DLGAP2: variants seen among roughly 807,000 people sequenced by gnomAD.
DLGAP2 encodes the protein DLG associated protein 2.
DLGAP2 carries 26 observed loss-of-function variants against 100.3 expected under a neutral mutation model. That is an observed-to-expected ratio of 0.26 (90% CI 0.19 to 0.36). The LOEUF is 0.36. Among genes scored for constraint, DLGAP2 ranks in the 10% least tolerant of loss-of-function variants. The pLI is 1.00. For missense variants in DLGAP2, 1,858 were observed against 1,453.2 expected, an observed-to-expected ratio of 1.28 and a Z score of -4.53; for synonymous variants, 886 against 630.1, an observed-to-expected ratio of 1.41 and a Z score of -6.08.
At chr8:1,065,149 A>T (rs887787140) in intron 2 of DLGAP2, among the ~76,000 whole-genome samples, 2 of 152,122 alleles carry the variant, frequency 1.3e-5, no homozygotes, top group African/African-American at 4.8e-5. Flanking sequence ...ATACAGAGTT[A>T]TTCACCCCTG....
rs1025754657 is a variant in DLGAP2, at chr8:1,375,125, C to T, written c.106+116242C>T. Among the ~76,000 whole-genome samples the T allele has an allele frequency of 4.2e-5, 6 of 141,920 alleles. No individual in the cohort carries two copies. The East Asian group carries it at 6.5e-4, about 15-fold the overall frequency. The allele number at this position is 141,920 out of a possible 152,430, so 93.1% of individuals were successfully genotyped here. A position where few individuals can be genotyped will look rare whatever the true frequency, so the allele number is the denominator to read the frequency against. On this transcript the variant is annotated intron_variant, in intron 3 of 14. Transcript: ENST00000637795. ...CCCCCACCTCCTACATTTGGGTTAA[C>T]GACACCTCTCCACGACCTCAGAACT...
intron 3 of DLGAP2, among the ~76,000 whole-genome samples, chr8:1,336,473 C>T (rs546023771): frequency 2.6e-5 from 4 of 152,298 alleles, no homozygotes; most frequent in East Asian, 1.9e-4. Flanking sequence ...TACAGACGTC[C>T]GTTATGAGGA....
intron 3 of DLGAP2, among the ~76,000 whole-genome samples, chr8:1,373,430 G>T (rs941888892): frequency 2.0e-5 from 3 of 152,160 alleles, no homozygotes; most frequent in Admixed American, 6.5e-5. Context: ...CGACAAGGAC[G>T]GGGGGCCGGA....
chr8:965,795 G>C lies in DLGAP2; in HGVS notation c.73+57829G>C, dbSNP rs1168319000. On this transcript the variant is annotated intron_variant, in intron 2 of 14. Transcript: ENST00000637795. ...TGCACACGGCACTGTTCACCACACA[G>C]GGCTCCTGAGTCTGACCCCTGCGCT... 8.2e-3 allele frequency among the ~76,000 whole-genome samples: 1,141 copies of C among 139,984 alleles called. 21 individuals carry two copies. Among genetic ancestry groups the C allele is most frequent in the African/African-American group, 0.03 (1,046 of 34,920 alleles). The allele number at this position is 139,984 out of a possible 152,430, so 91.8% of individuals were successfully genotyped here.
intron 2 of DLGAP2, among the ~76,000 whole-genome samples, chr8:1,173,829 C>A (rs1034212474): frequency 1.4e-4 from 22 of 152,238 alleles, no homozygotes; most frequent in Non-Finnish European, 2.6e-4. Flanking sequence ...ACCCATTGCG[C>A]TTCCTGAGTG....
rs549253084 is a variant in DLGAP2, at chr8:1,682,937, G to GT, written c.2704+4314dup. Reference sequence around the variant, plus strand: ...TGGGATTTTTGTTTTGTTTTGTCTTGTTTTTTACCTTTTTTGAGCCATCAG... The same window carrying GT: ...TGGGATTTTTGTTTTGTTTTGTCTTGTTTTTTTACCTTTTTTGAGCCATCAG... On this transcript the variant is annotated intron_variant, in intron 12 of 14. Coordinates refer to ENST00000637795, the MANE Select transcript of DLGAP2 (RefSeq NM_001346810.2). 6.5e-4 allele frequency among the ~76,000 whole-genome samples: 99 copies of GT among 151,422 alleles called. 1 individual carries two copies. The highest frequency in any genetic ancestry group is 2.7e-3 in the South Asian group (13 of 4,796).
At chr8:1,344,130 G>GA (rs1563095030) in intron 3 of DLGAP2, among the ~76,000 whole-genome samples, 38 of 121,642 alleles carry the variant, frequency 3.1e-4, no homozygotes, top group Non-Finnish European at 5.0e-4. Flanking sequence ...GCCCTGTCGT[G>GA]GGTCCGTGTA....
chr8:827,961 TG>T (rs1444159477), intron 1 of DLGAP2, among the ~76,000 whole-genome samples: 48 of 152,314 alleles, frequency 3.2e-4, no homozygotes, highest in Admixed American at 3.1e-3. Flanking sequence ...GGATCCGTGA[TG>T]CCCCACAAGC....
chr8:1,001,858 G>C (rs1800967201), intron 2 of DLGAP2, among the ~76,000 whole-genome samples: 1 of 152,132 alleles, frequency 6.6e-6, no homozygotes, highest in Non-Finnish European at 1.5e-5. Context: ...AGGGTCTGGG[G>C]GATAATGCTG....
intron 1 of DLGAP2, among the ~76,000 whole-genome samples, chr8:856,188 T>TTCTTCTTC (rs1218302818): frequency 6.9e-4 from 31 of 44,752 alleles, no homozygotes; most frequent in East Asian, 1.3e-3. Context: ...TCTTCTTCTT[T>TTCTTCTTC]TTTTTTTTTT....
At chr8:862,325 C>G (rs929228200) in intron 1 of DLGAP2, among the ~76,000 whole-genome samples, 8 of 144,704 alleles carry the variant, frequency 5.5e-5, no homozygotes, top group Admixed American at 2.1e-4. Flanking sequence ...TTTCTTGAGA[C>G]GTAGTCTCAC....
At chr8:1,308,616 C>A (rs1285237977) in intron 3 of DLGAP2, among the ~76,000 whole-genome samples, 1 of 152,174 alleles carries the variant, frequency 6.6e-6, no homozygotes, top group Non-Finnish European at 1.5e-5. Flanking sequence ...ACCTCAACCT[C>A]CTGGGTTCAA....
intron 6 of DLGAP2, chr8:1,621,135 C>G (rs889778237): frequency 6.6e-6 from 1 of 152,266 alleles, no homozygotes; most frequent in African/African-American, 2.4e-5. Context: ...CCCAGACTTA[C>G]GTGGGAGGTG....
chr8:1,525,537 G>A (rs547227865), intron 4 of DLGAP2, among the ~76,000 whole-genome samples: 2 of 152,352 alleles, frequency 1.3e-5, no homozygotes, highest in South Asian at 4.1e-4. Context: ...GAAAATGGAA[G>A]AACTCAGGAC....
chr8:1,273,731 A>G (rs1266756872), intron 3 of DLGAP2, among the ~76,000 whole-genome samples: 2 of 152,228 alleles, frequency 1.3e-5, no homozygotes, highest in South Asian at 4.1e-4. Context: ...GGTGCTTCTA[A>G]TGAATCAGGA....
At chr8:900,840 C>T (rs1435088792) in intron 1 of DLGAP2, among the ~76,000 whole-genome samples, 1 of 152,100 alleles carries the variant, frequency 6.6e-6, no homozygotes, top group African/African-American at 2.4e-5. Context: ...AAACAGAAAA[C>T]AGAAATGAGA....
chr8:1,092,851 G>A (rs140284238), intron 2 of DLGAP2, among the ~76,000 whole-genome samples: 191 of 152,258 alleles, frequency 1.3e-3, no homozygotes, highest in African/African-American at 4.3e-3. Context: ...AGTGTGGACC[G>A]GGGCCTCATA....
At chr8:927,614 A>G (rs986238434) in intron 2 of DLGAP2, among the ~76,000 whole-genome samples, 3 of 152,060 alleles carry the variant, frequency 2.0e-5, no homozygotes, top group East Asian at 1.9e-4. Context: ...TTAACAGGAG[A>G]ATCGTGGGGC....
At chr8:1,183,355 C>T (rs12334702) in intron 2 of DLGAP2, among the ~76,000 whole-genome samples, 95,053 of 152,042 alleles carry the variant, frequency 0.63, 29,783 homozygotes, top group Admixed American at 0.68. Flanking sequence ...CAATTATTTA[C>T]TTTTAGATTA....
Sources: allele counts gnomAD v4.1 joint callset (sites outside exome capture counted in the v4.1 genomes callset), GRCh38; gene constraint gnomAD v4.1.1; transcripts MANE v1.5; gene names NCBI Gene and HGNC (gene_info 2026-07-23, HGNC 2026-07-21).